Variants in PCDHA11 observed in about 807,000 individuals in gnomAD.
PCDHA11 encodes protocadherin alpha-11.
In PCDHA11, 61 loss-of-function variants were observed where a neutral mutation model predicts 70.3. That is an observed-to-expected ratio of 0.87 (90% CI 0.71 to 1.07). The LOEUF (loss-of-function observed/expected upper bound fraction) is 1.07. PCDHA11 is among the 50% of genes least tolerant of loss of function. PCDHA11 has a pLI of 0.00. For missense variants in PCDHA11, 1,324 were observed against 1,237.5 expected (o/e 1.07, Z -1.05); for synonymous variants, 633 against 555.1 (o/e 1.14, Z -1.97).
chr5:140,873,518 A>G (rs2054336624), intron 1 of PCDHA11, among the ~76,000 whole-genome samples: 1 of 152,200 alleles, frequency 6.6e-6, no homozygotes, highest in Non-Finnish European at 1.5e-5. Context: ...CTTAATGCCA[A>G]GATTGCATTC....
At chr5:140,888,695 A>G (rs1161003821) in intron 1 of PCDHA11, among the ~76,000 whole-genome samples, 3 of 152,094 alleles carry the variant, frequency 2.0e-5, no homozygotes, top group African/African-American at 7.2e-5. Flanking sequence ...CTCTTCTCTG[A>G]TTGGTAGGAA....
intron 1 of PCDHA11, among the ~76,000 whole-genome samples, chr5:140,941,230 T>C (rs536346214): frequency 7.3e-6 from 1 of 137,584 alleles, no homozygotes; most frequent in African/African-American, 2.9e-5. Context: ...TTTCTTTCTT[T>C]CTTTCTTTCT....
chr5:140,968,330 G>A (rs1314697989), intron 1 of PCDHA11: 2 of 1,613,974 alleles, frequency 1.2e-6, no homozygotes, highest in East Asian at 2.2e-5. Context: ...CACCTCCTAT[G>A]TCTCCATTAA....
intron 1 of PCDHA11, chr5:140,882,107 A>C: frequency 7.3e-7 from 1 of 1,367,220 alleles, no homozygotes; most frequent in Non-Finnish European, 9.8e-7. Flanking sequence ...TTCCGCGAAG[A>C]AAGCCGCCGT....
rs1169893950 is a variant in PCDHA11, at chr5:140,869,322, C to T, written c.219C>T (p.Asp73=). ...LFRVASKTHG[D]LLEVNLQNGI... is the part of the protein sequence containing the mutation. ...GGGTGGCGTCCAAAACACATGGGGA[C>T]CTTCTGGAGGTAAATCTGCAGAATG... The change falls in exon 1 of 4, where the codon GAC becomes GAT. Residue 73 remains aspartate (D), a synonymous_variant. Coordinates refer to ENST00000398640, the MANE Select transcript of PCDHA11 (RefSeq NM_018902.5). 3 of 1,613,818 alleles carry T rather than the reference C, an allele frequency of 1.9e-6. No individual in the cohort carries two copies. The highest frequency in any genetic ancestry group is 4.5e-5 in the East Asian group (2 of 44,890).
intron 1 of PCDHA11, chr5:140,876,186 T>A: frequency 1.2e-6 from 2 of 1,613,960 alleles, no homozygotes; most frequent in Middle Eastern, 1.6e-4. Context: ...TGAATGACAA[T>A]GGTCCGGCGT....
chr5:140,895,763 T>C (rs1291731285), intron 1 of PCDHA11, among the ~76,000 whole-genome samples: 2 of 152,170 alleles, frequency 1.3e-5, no homozygotes, highest in East Asian at 1.9e-4. Context: ...TTTTCTTTCT[T>C]TATGGCTGCA....
At chr5:140,922,839 C>T (rs2081023123) in intron 1 of PCDHA11, among the ~76,000 whole-genome samples, 1 of 152,140 alleles carries the variant, frequency 6.6e-6, no homozygotes, top group South Asian at 2.1e-4. Context: ...TAGATGTCCT[C>T]AAAGAGACCA....
At chr5:140,902,199 CTT>C (rs1290062929) in intron 1 of PCDHA11, among the ~76,000 whole-genome samples, 2 of 139,232 alleles carry the variant, frequency 1.4e-5, no homozygotes, top group Admixed American at 7.2e-5. Flanking sequence ...CTCTCTCTCT[CTT>C]TCTTTTTTTT....
intron 1 of PCDHA11, chr5:140,882,587 G>A (rs559310344): frequency 6.2e-7 from 1 of 1,614,256 alleles, no homozygotes; most frequent in East Asian, 2.2e-5. Flanking sequence ...CATCCACCTG[G>A]AGGTGATCGT....
At chr5:140,962,665 C>T (rs1457197885) in intron 1 of PCDHA11, among the ~76,000 whole-genome samples, 1 of 152,146 alleles carries the variant, frequency 6.6e-6, no homozygotes, top group African/African-American at 2.4e-5. Flanking sequence ...TTTTCATCTT[C>T]CCATCCACTG....
intron 1 of PCDHA11, among the ~76,000 whole-genome samples, chr5:140,903,405 G>A (rs2070271184): frequency 6.6e-6 from 1 of 152,184 alleles, no homozygotes; most frequent in Non-Finnish European, 1.5e-5. Flanking sequence ...CAGTAGTGCA[G>A]TCAGGAAAAA....
At chr5:140,872,485 G>A (rs978511800) in intron 1 of PCDHA11, among the ~76,000 whole-genome samples, 1 of 152,080 alleles carries the variant, frequency 6.6e-6, no homozygotes, top group Non-Finnish European at 1.5e-5. Flanking sequence ...AAATTAGCCA[G>A]ACCTAGTGGT....
rs1474245483 is a variant in PCDHA11, at chr5:140,946,429, A to C, written c.2392-32520A>C. Reference sequence around the variant, plus strand: ...ATAGAAAACAATATGGAGGTTACTCAAAAATTGAGACTAAAACAACTATCC... The same window carrying C: ...ATAGAAAACAATATGGAGGTTACTCCAAAATTGAGACTAAAACAACTATCC... On this transcript the variant is annotated intron_variant, in intron 1 of 3. Coordinates refer to ENST00000398640, the MANE Select transcript of PCDHA11 (RefSeq NM_018902.5). 2.0e-5 allele frequency among the ~76,000 whole-genome samples: 3 copies of C among 151,826 alleles called. No homozygotes were observed. In the East Asian group the frequency reaches 5.8e-4, roughly 29 times the overall value.
At chr5:140,890,923 C>T (rs535912661) in intron 1 of PCDHA11, among the ~76,000 whole-genome samples, 1 of 152,202 alleles carries the variant, frequency 6.6e-6, no homozygotes, top group East Asian at 1.9e-4. Context: ...TTGAGAGTTT[C>T]CTTTAGTCCA....
chr5:140,958,162 C>A lies in PCDHA11; in HGVS notation c.2392-20787C>A, dbSNP rs574337485. Among the ~76,000 whole-genome samples the A allele has an allele frequency of 1.1e-4, 16 of 152,028 alleles. No homozygotes were observed. The South Asian group carries it at 3.3e-3, about 32-fold the overall frequency. Reference sequence around the variant, plus strand: ...ATATTTATATAGCATAGTCAAAAGCCTGGAGTGATATAAATTTTCTGTTAC... The same window carrying A: ...ATATTTATATAGCATAGTCAAAAGCATGGAGTGATATAAATTTTCTGTTAC... On this transcript the variant is annotated intron_variant, in intron 1 of 3. Coordinates refer to ENST00000398640, the MANE Select transcript of PCDHA11 (RefSeq NM_018902.5).
chr5:140,882,668 C>T, intron 1 of PCDHA11: 1 of 1,614,138 alleles, frequency 6.2e-7, no homozygotes, highest in Non-Finnish European at 8.5e-7. Context: ...GCCCATATTC[C>T]CTGAAAGCAA....
In PCDHA11 at chr5:140,870,006, G is replaced by A. The variant is rs1554163702; in HGVS notation, c.903G>A (p.Val301=). ...CACTAGATCAAAATAATGGAGAAGTGAGGGTCAATGGAACTTTAGATTATG... is the reference window on the plus strand; with the variant it reads ...CACTAGATCAAAATAATGGAGAAGTAAGGGTCAATGGAACTTTAGATTATG... ...LFTLDQNNGE[V]RVNGTLDYEE... The change falls in exon 1 of 4, where the codon GTG becomes GTA. Residue 301 remains valine (V), a synonymous_variant. Transcript: ENST00000398640. The A allele has an allele frequency of 1.2e-6, 2 of 1,613,604 alleles. No individual in the cohort carries two copies. Among genetic ancestry groups the A allele is most frequent in the Non-Finnish European group, 1.7e-6 (2 of 1,179,820 alleles).
chr5:140,927,192 G>T, intron 1 of PCDHA11: 4 of 1,614,154 alleles, frequency 2.5e-6, no homozygotes, highest in Non-Finnish European at 3.4e-6. Flanking sequence ...ACGACCTGGT[G>T]CTCGAGGACC....
Sources: allele counts gnomAD v4.1 joint callset (sites outside exome capture counted in the v4.1 genomes callset), GRCh38; gene constraint gnomAD v4.1.1; transcripts MANE v1.5; gene names NCBI Gene and HGNC (gene_info 2026-07-23, HGNC 2026-07-21).